The following PRKN variants were observed in gnomAD, a reference collection of about 807,000 sequenced individuals.
The protein encoded by PRKN is E3 ubiquitin-protein ligase parkin.
PRKN carries 56 observed loss-of-function variants against 59.5 expected under a neutral mutation model. The observed-to-expected ratio is 0.94, with a 90% CI of 0.76 to 1.18. The LOEUF is 1.18. Among genes scored for constraint, PRKN ranks in the 50% most tolerant of loss-of-function variants. The pLI is 0.00. For missense variants in PRKN, 657 were observed against 596.4 expected (o/e 1.10, Z -1.06); for synonymous variants, 250 against 222.1 (o/e 1.13, Z -1.12).
chr6:162,207,065 T>C (rs537661196), intron 3 of PRKN, among the ~76,000 whole-genome samples: 1 of 152,224 alleles, frequency 6.6e-6, no homozygotes, highest in Admixed American at 6.5e-5. Context: ...GACACCTTGC[T>C]TTGGAGCCTT....
chr6:161,578,000 AG>A (rs1265293195), intron 7 of PRKN, among the ~76,000 whole-genome samples: 2 of 152,340 alleles, frequency 1.3e-5, no homozygotes, highest in Admixed American at 1.3e-4. Context: ...GCGTAACGCC[AG>A]GGGCCATAGA....
intron 2 of PRKN, among the ~76,000 whole-genome samples, chr6:162,300,931 T>C (rs2128113296): frequency 6.6e-6 from 1 of 152,186 alleles, no homozygotes; most frequent in African/African-American, 2.4e-5. Context: ...AAACTGGAGC[T>C]GATGGTGGAG....
chr6:162,374,393 T>TG (rs1785938178), intron 2 of PRKN, among the ~76,000 whole-genome samples: 1 of 82,228 alleles, frequency 1.2e-5, no homozygotes, highest in Admixed American at 1.2e-4. Flanking sequence ...TGCTATAGTT[T>TG]TTTTTTTTTT....
intron 9 of PRKN, among the ~76,000 whole-genome samples, chr6:161,476,173 T>C (rs969798671): frequency 1.7e-4 from 25 of 148,664 alleles, no homozygotes; most frequent in South Asian, 6.4e-4. Flanking sequence ...GGCGACAGAG[T>C]GAGACTCTGT....
intron 7 of PRKN, among the ~76,000 whole-genome samples, chr6:161,683,514 C>G (rs926867971): frequency 1.3e-5 from 2 of 152,196 alleles, no homozygotes; most frequent in Admixed American, 6.5e-5. Context: ...CCTTTCCTCT[C>G]CCCTCAGCTC....
chr6:161,543,054 C>G (rs1162745201), intron 9 of PRKN, among the ~76,000 whole-genome samples: 1 of 152,016 alleles, frequency 6.6e-6, no homozygotes, highest in African/African-American at 2.4e-5. Flanking sequence ...TTTTCTCTTT[C>G]CAAGGTCCAC....
chr6:161,696,854 C>T lies in PRKN; in HGVS notation c.871+88918G>A, dbSNP rs147442254. Among the ~76,000 whole-genome samples the T allele has an allele frequency of 2.3e-3, 354 of 152,294 alleles. 1 individual carries two copies. The highest frequency in any genetic ancestry group is 8.0e-3 in the African/African-American group (334 of 41,546). On this transcript the variant is annotated intron_variant, in intron 7 of 11. Coordinates refer to ENST00000366898, the MANE Select transcript of PRKN (RefSeq NM_004562.3). The stretch of plus-strand genomic sequence containing the variant: ...TGATATTTGCATGCTCAGTCAGCCT[C>T]AGTACTAAGCATCCAACTTCCCGAT...
At chr6:162,415,425 G>A (rs554076401) in intron 2 of PRKN, among the ~76,000 whole-genome samples, 104 of 152,278 alleles carry the variant, frequency 6.8e-4, no homozygotes, top group African/African-American at 2.5e-3. Context: ...AACAGATCGT[G>A]TGAAGAGTAT....
chr6:161,643,484 G>A (rs1465200441), intron 7 of PRKN, among the ~76,000 whole-genome samples: 1 of 152,142 alleles, frequency 6.6e-6, no homozygotes, highest in African/African-American at 2.4e-5. Context: ...AAATTCAATA[G>A]TGTTTACTCT....
In PRKN at chr6:161,468,835, C is replaced by T. The variant is rs1272431888; in HGVS notation, c.1083+80019G>A. On this transcript the variant is annotated intron_variant, in intron 9 of 11. Coordinates refer to ENST00000366898, the MANE Select transcript of PRKN (RefSeq NM_004562.3). This position sits in a 1 kb window ranked among gnomAD's most constrained non-coding sequence, Gnocchi z 5.9. ...GTGGCCACAGTTGAAGGCCCTCATG[C>T]TCACTGTCAGCCTATACACCTGTCA... 5.3e-5 allele frequency among the ~76,000 whole-genome samples: 8 copies of T among 152,188 alleles called. No homozygotes were observed. Among genetic ancestry groups the T allele is most frequent in the Admixed American group, 3.3e-4 (5 of 15,284 alleles).
intron 4 of PRKN, among the ~76,000 whole-genome samples, chr6:162,093,659 C>A (rs1779605866): frequency 1.3e-5 from 2 of 152,134 alleles, no homozygotes; most frequent in African/African-American, 4.8e-5. Context: ...CCTGTACCCC[C>A]TAAACATTTA....
chr6:162,319,490 C>T lies in PRKN; in HGVS notation c.172-56725G>A, dbSNP rs149082849. 4.3e-3 allele frequency among the ~76,000 whole-genome samples: 654 copies of T among 152,108 alleles called. 4 individuals carry two copies. The highest frequency in any genetic ancestry group is 0.015 in the African/African-American group (612 of 41,548). On this transcript the variant is annotated intron_variant, in intron 2 of 11. Transcript: ENST00000366898. ...AAACTATAATAGCTGTTTTAATGCT[C>T]TAAGTTCTGATGTGGTTACTTACAC... is the stretch of plus-strand genomic sequence containing the variant.
intron 6 of PRKN, among the ~76,000 whole-genome samples, chr6:161,887,313 G>A (rs1795190464): frequency 6.6e-6 from 1 of 152,150 alleles, no homozygotes; most frequent in Admixed American, 6.5e-5. Context: ...AAGATGCTGA[G>A]CAAAGAAATT....
At chr6:161,897,955 A>G (rs1446528732) in intron 6 of PRKN, among the ~76,000 whole-genome samples, 12 of 118,118 alleles carry the variant, frequency 1.0e-4, no homozygotes, top group South Asian at 2.9e-4. Flanking sequence ...TGACAGAGCG[A>G]GACTCCGTCT....
At chr6:162,010,648 TTATATAA>T (rs367901785) in intron 5 of PRKN, among the ~76,000 whole-genome samples, 1 of 5,892 alleles carries the variant, frequency 1.7e-4, no homozygotes, top group Non-Finnish European at 2.0e-4. Context: ...ATATAATATA[TTATATAA>T]TATATTATAT....
chr6:162,385,565 G>T (rs1786757909), intron 2 of PRKN, among the ~76,000 whole-genome samples: 1 of 152,106 alleles, frequency 6.6e-6, no homozygotes, highest in Non-Finnish European at 1.5e-5. Flanking sequence ...TGACACCGTG[G>T]TGTTTAAATA....
At chr6:162,223,020 C>T (rs939929216) in intron 3 of PRKN, among the ~76,000 whole-genome samples, 20 of 131,394 alleles carry the variant, frequency 1.5e-4, no homozygotes, top group Admixed American at 3.2e-4. Flanking sequence ...CCCCCCACCG[C>T]ACAATAGTCC....
In PRKN at chr6:162,014,118, G is replaced by A. The variant is rs546856891; in HGVS notation, c.618+39973C>T. Among the ~76,000 whole-genome samples, 10 of 152,070 alleles carry A rather than the reference G, an allele frequency of 6.6e-5. No individual in the cohort carries two copies. In the East Asian group the frequency reaches 1.7e-3, roughly 27 times the overall value. On this transcript the variant is annotated intron_variant, in intron 5 of 11. Coordinates refer to ENST00000366898, the MANE Select transcript of PRKN (RefSeq NM_004562.3). ...ATTCAGTTCCTACTCACCCCCCATCGGGAAATTTATCTCACTTGTTTCTGG... is the reference window on the plus strand; with the variant it reads ...ATTCAGTTCCTACTCACCCCCCATCAGGAAATTTATCTCACTTGTTTCTGG...
At chr6:161,534,195 C>T (rs561949305) in intron 9 of PRKN, among the ~76,000 whole-genome samples, 1 of 152,262 alleles carries the variant, frequency 6.6e-6, no homozygotes, top group Non-Finnish European at 1.5e-5. Context: ...ATCATTCCTC[C>T]CTGGCCGTGT....
Sources: gnomAD v4.1 joint callset for allele counts (sites outside exome capture counted in the v4.1 genomes callset) on GRCh38, gnomAD v4.1.1 for gene constraint, Gnocchi (gnomAD v3.1) non-coding constraint, MANE v1.5 for transcripts, NCBI Gene and HGNC (gene_info 2026-07-23, HGNC 2026-07-21) for gene names.